Variants in ZDHHC14 observed in about 807,000 individuals in gnomAD.
The protein encoded by ZDHHC14 is zDHHC palmitoyltransferase 14, also known as palmitoyltransferase ZDHHC14.
ZDHHC14 carries 16 observed loss-of-function variants against 47.7 expected under a neutral mutation model. The observed-to-expected ratio is 0.34, with a 90% CI of 0.23 to 0.51. ZDHHC14 has a LOEUF of 0.51. Ranked by LOEUF, ZDHHC14 falls within the 20% of genes least tolerant of loss-of-function variation. ZDHHC14 has a pLI of 0.97. For synonymous variants in ZDHHC14, 293 were observed against 278.9 expected (o/e 1.05, Z -0.50); for missense variants, 515 against 662.5 (o/e 0.78, Z 2.44).
At chr6:157,444,620 G>T (rs1050200902) in intron 1 of ZDHHC14, among the ~76,000 whole-genome samples, 29 of 151,712 alleles carry the variant, frequency 1.9e-4, no homozygotes, top group African/African-American at 6.8e-4. Flanking sequence ...GGAAGTTGCA[G>T]TGAGCCAAGA....
chr6:157,582,832 G>A lies in ZDHHC14; in HGVS notation c.407-10156G>A, dbSNP rs1246280412. On this transcript the variant is annotated intron_variant, in intron 2 of 8. Coordinates refer to ENST00000359775, the MANE Select transcript of ZDHHC14 (RefSeq NM_024630.3). The surrounding 1 kb of genome is among the most constrained non-coding windows in gnomAD (Gnocchi z 4.3). ...ATATCCTGAAATAGTTTTCCAAGTT[G>A]CTTACTTTTTCCCTGTCTCTTTCAG... 1.3e-5 allele frequency among the ~76,000 whole-genome samples: 2 copies of A among 152,180 alleles called. No individual in the cohort carries two copies. The highest frequency in any genetic ancestry group is 2.9e-5 in the Non-Finnish European group (2 of 68,042).
chr6:157,542,289 C>T (rs1194094711), intron 1 of ZDHHC14, among the ~76,000 whole-genome samples: 5 of 152,154 alleles, frequency 3.3e-5, no homozygotes, highest in African/African-American at 9.7e-5. Context: ...AAGCTCTGTG[C>T]GTCTTAGACT....
intron 1 of ZDHHC14, among the ~76,000 whole-genome samples, chr6:157,424,505 C>G (rs545020636): frequency 1.3e-5 from 2 of 152,334 alleles, no homozygotes; most frequent in East Asian, 3.9e-4. Flanking sequence ...GCTTTCTGAG[C>G]TTGAAGCCGT....
chr6:157,609,026 T>A (rs1204975614), intron 3 of ZDHHC14, among the ~76,000 whole-genome samples: 1 of 152,160 alleles, frequency 6.6e-6, no homozygotes, highest in Admixed American at 6.5e-5. Context: ...AGAGCATGGT[T>A]TTTTCCCCAT....
chr6:157,450,199 T>C (rs965772752), intron 1 of ZDHHC14, among the ~76,000 whole-genome samples: 4 of 151,986 alleles, frequency 2.6e-5, no homozygotes, highest in Non-Finnish European at 5.9e-5. Flanking sequence ...CAGACTAGTA[T>C]GCAGATTTCT....
chr6:157,546,493 G>GGAGGGCTCTGGGCTTCAGAGTCTGTTTC (rs1562473455), intron 2 of ZDHHC14, among the ~76,000 whole-genome samples: 1 of 152,162 alleles, frequency 6.6e-6, no homozygotes, highest in Non-Finnish European at 1.5e-5. Flanking sequence ...GTGGGGAGGA[G>GGAGGGCTCTGGGCTTCAGAGTCTGTTTC]GAGGGCTCTG....
intron 1 of ZDHHC14, among the ~76,000 whole-genome samples, chr6:157,496,743 G>A (rs1217576673): frequency 6.6e-6 from 1 of 152,160 alleles, no homozygotes; most frequent in East Asian, 1.9e-4. Context: ...TGGACTTCCA[G>A]CCTCCTAAAC....
At chr6:157,576,416 G>T (rs1435643161) in intron 2 of ZDHHC14, among the ~76,000 whole-genome samples, 2 of 152,138 alleles carry the variant, frequency 1.3e-5, no homozygotes, top group South Asian at 4.1e-4. Context: ...TTTAATCATT[G>T]TTAATATTTT....
At chr6:157,542,773 C>T in intron 2 of ZDHHC14, 28 bp downstream of exon 2, 2 of 1,609,170 alleles carry the variant, frequency 1.2e-6, no homozygotes, top group Non-Finnish European at 1.7e-6. Context: ...CCCATGGCCT[C>T]TGGTCACTTC....
chr6:157,612,827 A>G (rs1248703054), intron 3 of ZDHHC14, among the ~76,000 whole-genome samples: 1 of 131,448 alleles, frequency 7.6e-6, no homozygotes, highest in Non-Finnish European at 1.6e-5. Context: ...TCTCCATCGT[A>G]GTCTTCTCTC....
intron 8 of ZDHHC14, among the ~76,000 whole-genome samples, chr6:157,671,982 T>C (rs1778818275): frequency 6.6e-6 from 1 of 152,226 alleles, no homozygotes; most frequent in South Asian, 2.1e-4. Context: ...GCTGGAACTC[T>C]GCATGCCTTA....
intron 5 of ZDHHC14, among the ~76,000 whole-genome samples, chr6:157,637,778 G>C (rs187751236): frequency 6.6e-6 from 1 of 152,216 alleles, no homozygotes; most frequent in East Asian, 1.9e-4. Context: ...ATTTTGACGA[G>C]AAATAAGGGC....
At chr6:157,528,496 C>T (rs970571922) in intron 1 of ZDHHC14, among the ~76,000 whole-genome samples, 6 of 151,542 alleles carry the variant, frequency 4.0e-5, no homozygotes, top group Non-Finnish European at 8.8e-5. Context: ...CTTTGGGAGG[C>T]TGAGGCGGGC....
At chr6:157,606,945 A>G (rs969864072) in intron 3 of ZDHHC14, among the ~76,000 whole-genome samples, 1 of 152,240 alleles carries the variant, frequency 6.6e-6, no homozygotes, top group Non-Finnish European at 1.5e-5. Context: ...GCTATTTTAT[A>G]TGGTGTCATG....
Position 157,619,898 on chromosome 6 carries a change from T to G in ZDHHC14, c.566-8451T>G, listed in dbSNP as rs917182071. 2.6e-5 allele frequency among the ~76,000 whole-genome samples: 4 copies of G among 152,210 alleles called. No individual in the cohort carries two copies. In the South Asian group the frequency reaches 8.3e-4, roughly 31 times the overall value. Reference sequence around the variant, plus strand: ...TGAACATTTTATCTGTGAAGAAATTTAGTCCCCATGTGGAAGTGCTATAAT... The same window carrying G: ...TGAACATTTTATCTGTGAAGAAATTGAGTCCCCATGTGGAAGTGCTATAAT... On this transcript the variant is annotated intron_variant, in intron 3 of 8. Coordinates refer to ENST00000359775, the MANE Select transcript of ZDHHC14 (RefSeq NM_024630.3).
chr6:157,427,468 G>C lies in ZDHHC14; in HGVS notation c.245+45202G>C, dbSNP rs879791043. On this transcript the variant is annotated intron_variant, in intron 1 of 8. Coordinates refer to ENST00000359775, the MANE Select transcript of ZDHHC14 (RefSeq NM_024630.3). The surrounding 1 kb of genome is among the most constrained non-coding windows in gnomAD (Gnocchi z 4.4). ...TTTCTCCAGCAGGGCCTACCAGCAT[G>C]GGTTGGCGTGGGGGTGAGGATGGTT... Among the ~76,000 whole-genome samples, 6 of 152,120 alleles carry C rather than the reference G, an allele frequency of 3.9e-5. No individual in the cohort carries two copies. The highest frequency in any genetic ancestry group is 7.4e-5 in the Non-Finnish European group (5 of 68,014).
rs541470920 is a variant in ZDHHC14, at chr6:157,595,511, A to T, written c.565+2365A>T. 3.2e-4 allele frequency among the ~76,000 whole-genome samples: 49 copies of T among 152,280 alleles called. No individual in the cohort carries two copies. The South Asian group carries it at 8.3e-3, about 26-fold the overall frequency. ...CGGCCTAGGCTAGATTTTTAATCAC[A>T]GTCAAAATTTTCTTCTCAATCTACT... On this transcript the variant is annotated intron_variant, in intron 3 of 8. Transcript: ENST00000359775.
At chr6:157,626,789 T>G (rs1429869720) in intron 3 of ZDHHC14, among the ~76,000 whole-genome samples, 1 of 152,012 alleles carries the variant, frequency 6.6e-6, no homozygotes, top group Non-Finnish European at 1.5e-5. Flanking sequence ...ACACAGAGTA[T>G]TTCCCCGGCC....
intron 2 of ZDHHC14, among the ~76,000 whole-genome samples, chr6:157,585,308 C>T (rs1783650482): frequency 6.6e-6 from 1 of 151,220 alleles, no homozygotes; most frequent in Non-Finnish European, 1.5e-5. Context: ...CTAGCTATTG[C>T]AAATGCCTAT....
Sources: gnomAD v4.1 joint callset for allele counts (sites outside exome capture counted in the v4.1 genomes callset) on GRCh38, gnomAD v4.1.1 for gene constraint, Gnocchi (gnomAD v3.1) non-coding constraint, MANE v1.5 for transcripts, NCBI Gene and HGNC (gene_info 2026-07-23, HGNC 2026-07-21) for gene names.